ARHGEF4: variants seen among roughly 807,000 people sequenced by gnomAD.
ARHGEF4 encodes the protein Rho guanine nucleotide exchange factor 4.
Under a neutral mutation model 162.0 loss-of-function variants are expected in ARHGEF4, and 119 were observed. The ratio of observed to expected loss-of-function variants is 0.73; its 90% CI spans 0.63 to 0.86. The LOEUF is 0.86. Among genes scored for constraint, ARHGEF4 ranks in the 40% least tolerant of loss-of-function variants. The pLI is 0.00. For synonymous variants in ARHGEF4, 1,014 were observed against 979.9 expected (o/e 1.03, Z -0.65); for missense variants, 2,488 against 2,456.0 (o/e 1.01, Z -0.28).
In ARHGEF4 at chr2:130,936,905, C is replaced by CT. The variant is rs36086542; in HGVS notation, c.3858+5667dup. Reference sequence around the variant, plus strand: ...TTTCTTTCTTTTTTTTTTCTTTTTTCTTTTTTTTTTTTTTTTTTTGAGATG... The same window carrying CT: ...TTTCTTTCTTTTTTTTTTCTTTTTTCTTTTTTTTTTTTTTTTTTTTGAGATG... On this transcript the variant is annotated intron_variant, in intron 3 of 13. Coordinates refer to ENST00000409359, the MANE Select transcript of ARHGEF4 (RefSeq NM_001367493.1). Among the ~76,000 whole-genome samples, 85 of 82,322 alleles carry CT rather than the reference C, an allele frequency of 1.0e-3. 2 individuals are homozygous for CT. The highest frequency in any genetic ancestry group is 3.6e-3 in the African/African-American group (79 of 21,938). The allele number at this position is 82,322 out of a possible 152,430, so 54.0% of individuals were successfully genotyped here.
At chr2:131,022,539 G>A (rs188750841) in intron 4 of ARHGEF4, among the ~76,000 whole-genome samples, 1 of 151,568 alleles carries the variant, frequency 6.6e-6, no homozygotes, top group East Asian at 1.9e-4. Flanking sequence ...TTTTACAAAG[G>A]TACAAAAGCA....
chr2:130,840,884 T>A (rs1463999819), intron 1 of ARHGEF4, among the ~76,000 whole-genome samples: 1 of 152,210 alleles, frequency 6.6e-6, no homozygotes, highest in Non-Finnish European at 1.5e-5. Context: ...ATACCTGTGC[T>A]GTTACGCAGG....
chr2:130,993,898 C>T (rs1218962793), intron 4 of ARHGEF4, among the ~76,000 whole-genome samples: 6 of 152,130 alleles, frequency 3.9e-5, no homozygotes, highest in Non-Finnish European at 8.8e-5. Flanking sequence ...ATTCTCCTGC[C>T]TCATCCCCCT....
chr2:130,929,539 A>G (rs1443533173), intron 2 of ARHGEF4, among the ~76,000 whole-genome samples: 40 of 152,178 alleles, frequency 2.6e-4, no homozygotes, highest in Non-Finnish European at 1.5e-5. Context: ...AGGACCCCCT[A>G]CAATTTCTAC....
intron 1 of ARHGEF4, among the ~76,000 whole-genome samples, chr2:130,874,334 T>C (rs1279008970): frequency 6.6e-6 from 1 of 152,196 alleles, no homozygotes; most frequent in East Asian, 1.9e-4. Flanking sequence ...GGAAGCACAT[T>C]GGTGGGGAGC....
At chr2:130,909,390 A>G (rs1681034750) in intron 1 of ARHGEF4, among the ~76,000 whole-genome samples, 1 of 152,234 alleles carries the variant, frequency 6.6e-6, no homozygotes, top group South Asian at 2.1e-4. Flanking sequence ...TTTCAAAATA[A>G]TCATGCTAAG....
At chr2:130,849,048 T>C (rs1681200995) in intron 1 of ARHGEF4, among the ~76,000 whole-genome samples, 1 of 152,018 alleles carries the variant, frequency 6.6e-6, no homozygotes, top group Admixed American at 6.5e-5. Context: ...CTGTGGGGAC[T>C]CCCCTGCTGC....
In ARHGEF4 at chr2:130,874,582, A is replaced by G. The variant is rs77127313; in HGVS notation, c.39+37590A>G. Among the ~76,000 whole-genome samples, 18 of 152,360 alleles carry G rather than the reference A, an allele frequency of 1.2e-4. No homozygotes were observed. In the East Asian group the frequency reaches 2.9e-3, roughly 24 times the overall value. ...TTTCATAATTAAGTTAAACTTTTTA[A>G]GGAGATAATTATAGACTCACATGCA... On this transcript the variant is annotated intron_variant, in intron 1 of 13. Coordinates refer to ENST00000409359, the MANE Select transcript of ARHGEF4 (RefSeq NM_001367493.1).
At chr2:130,911,808 G>T (rs1364541314) in intron 1 of ARHGEF4, among the ~76,000 whole-genome samples, 1 of 152,242 alleles carries the variant, frequency 6.6e-6, no homozygotes, top group East Asian at 1.9e-4. Flanking sequence ...CTCACAGGTA[G>T]TGCCCTGGGC....
In ARHGEF4 at chr2:130,916,234, G is replaced by C; in HGVS notation, c.2288G>C (p.Arg763Pro). 6.5e-7 allele frequency: 1 copy of C among 1,533,134 alleles called. No homozygotes were observed. The highest frequency in any genetic ancestry group is 1.2e-5 in the South Asian group (1 of 81,920). The allele number at this position is 1,533,134 out of a possible 1,614,324, so 95.0% of individuals were successfully genotyped here. The part of the protein sequence containing the change: ...EAPEGGAAAA[R>P]GQRPRVPALE... ...CCCGAAGGCGGTGCTGCAGCAGCCC[G>C]GGGCCAGCGCCCCCGCGTCCCCGCC... The change falls in exon 2 of 14, where the codon CGG becomes CCG. Residue 763 changes from arginine (R) to proline (P), a missense_variant. Physicochemically the swap from Arg to Pro is moderately radical, Grantham distance 103 (BLOSUM62 -2). Around this residue, in one of 6 missense-constraint regions of ARHGEF4, gnomAD observed 1,642 missense variants for 1,481.5 expected, o/e 1.11. Coordinates refer to ENST00000409359, the MANE Select transcript of ARHGEF4 (RefSeq NM_001367493.1).
intron 6 of ARHGEF4, chr2:131,039,631 T>C: frequency 1.8e-6 from 2 of 1,134,190 alleles, no homozygotes; most frequent in Non-Finnish European, 2.2e-6. Flanking sequence ...CTCCGCACCC[T>C]AAGCCTTTCC....
chr2:130,936,028 G>T (rs542699988), intron 3 of ARHGEF4, among the ~76,000 whole-genome samples: 4 of 152,086 alleles, frequency 2.6e-5, no homozygotes, highest in African/African-American at 9.7e-5. Flanking sequence ...TCATGCCATT[G>T]CATTCCAGCC....
chr2:130,920,522 G>C (rs1681809619), intron 2 of ARHGEF4, among the ~76,000 whole-genome samples: 2 of 151,892 alleles, frequency 1.3e-5, no homozygotes, highest in Non-Finnish European at 2.9e-5. Context: ...CATAGGGAAC[G>C]GGAAGGGAAG....
In ARHGEF4 at chr2:130,916,595, T is replaced by G; in HGVS notation, c.2649T>G (p.Leu883=). 2.6e-6 allele frequency: 4 copies of G among 1,550,466 alleles called. No homozygotes were observed. Among genetic ancestry groups the G allele is most frequent in the Non-Finnish European group, 3.5e-6 (4 of 1,146,942 alleles). The change falls in exon 2 of 14, where the codon CTT becomes CTG. Residue 883 remains leucine, a synonymous_variant. Transcript: ENST00000409359. ...GAGHTGTSGD[L]GSRGPSSESC... The stretch of plus-strand genomic sequence containing the variant: ...GGCACACGGGGACCTCAGGGGATCT[T>G]GGTAGCCGAGGGCCTTCCTCTGAGA...
intron 3 of ARHGEF4, among the ~76,000 whole-genome samples, chr2:130,945,174 C>T (rs1396062730): frequency 6.6e-6 from 1 of 151,958 alleles, no homozygotes; most frequent in Non-Finnish European, 1.5e-5. Flanking sequence ...ATGGGATCTT[C>T]TGCTTGAGAC....
chr2:131,025,739 A>G (rs1689438795), intron 4 of ARHGEF4, among the ~76,000 whole-genome samples: 1 of 152,194 alleles, frequency 6.6e-6, no homozygotes, highest in Non-Finnish European at 1.5e-5. Flanking sequence ...TCAGACCAAC[A>G]TAGTGTACAG....
At chr2:130,910,179 A>T (rs1330116875) in intron 1 of ARHGEF4, among the ~76,000 whole-genome samples, 2 of 152,184 alleles carry the variant, frequency 1.3e-5, no homozygotes, top group African/African-American at 4.8e-5. Flanking sequence ...CATTCTGCAC[A>T]TGTACCCCAG....
At chr2:131,039,130 G>A in intron 6 of ARHGEF4, 98 bp downstream of exon 6, 1 of 1,412,420 alleles carries the variant, frequency 7.1e-7, no homozygotes, top group East Asian at 2.5e-5. Flanking sequence ...GGCATCCTAG[G>A]TGCAGAGCAC....
chr2:130,957,133 GT>G (rs1295685919), intron 4 of ARHGEF4, among the ~76,000 whole-genome samples: 1 of 151,590 alleles, frequency 6.6e-6, no homozygotes, highest in Non-Finnish European at 1.5e-5. Context: ...CAATTTAATA[GT>G]TTTTTGTTTT....
Sources: allele counts gnomAD v4.1 joint callset (sites outside exome capture counted in the v4.1 genomes callset), GRCh38; gene constraint gnomAD v4.1.1; regional missense constraint gnomAD v4.1.1; transcripts MANE v1.5; gene names NCBI Gene and HGNC (gene_info 2026-07-23, HGNC 2026-07-21).